Variants in PCTP observed in about 807,000 individuals in gnomAD.
PCTP encodes START domain-containing protein 2.
PCTP carries 27 observed loss-of-function variants against 31.0 expected under a neutral mutation model. The ratio of observed to expected loss-of-function variants is 0.87; its 90% CI spans 0.64 to 1.20. PCTP has a LOEUF of 1.20. Ranked by LOEUF, PCTP falls within the 50% of genes most tolerant of loss-of-function variation. PCTP has a pLI of 0.00. For missense variants in PCTP, 287 were observed against 268.2 expected (o/e 1.07, Z -0.49); for synonymous variants, 108 against 101.2 (o/e 1.07, Z -0.40).
At chr17:55,779,697 C>T (rs998818114), downstream of PCTP, among the ~76,000 whole-genome samples, 3 of 152,128 alleles carry the variant, frequency 2.0e-5, no homozygotes, top group Non-Finnish European at 4.4e-5. Flanking sequence ...TCCATGATTC[C>T]CCAGCATCTC....
At chr17:55,829,975 G>T (rs2145077377) in intron 5 of PCTP, among the ~76,000 whole-genome samples, 1 of 152,294 alleles carries the variant, frequency 6.6e-6, no homozygotes, top group Non-Finnish European at 1.5e-5. Flanking sequence ...TTTCAGGCAT[G>T]TCTCCTATCG....
chr17:55,819,794 T>C (rs1913053954), intron 3 of PCTP, among the ~76,000 whole-genome samples: 1 of 152,158 alleles, frequency 6.6e-6, no homozygotes, highest in Non-Finnish European at 1.5e-5. Context: ...GTAATCAAGA[T>C]GGTGTTGTAC....
chr17:55,778,271 T>C (rs1472886758), downstream of PCTP, among the ~76,000 whole-genome samples: 1 of 151,942 alleles, frequency 6.6e-6, no homozygotes, highest in Non-Finnish European at 1.5e-5. Context: ...GACTTGCACC[T>C]GAGTTCTCAG....
At chr17:55,847,059 TTTA>T (rs1906167450), downstream of PCTP, among the ~76,000 whole-genome samples, 1 of 152,216 alleles carries the variant, frequency 6.6e-6, no homozygotes, top group Non-Finnish European at 1.5e-5. Context: ...TCAAAGCACA[TTTA>T]TTGAATGAAT....
chr17:55,769,446 A>C (rs977329475), intron 2 of PCTP: 1 of 152,244 alleles, frequency 6.6e-6, no homozygotes, highest in African/African-American at 2.4e-5. Context: ...TAAGACCCAC[A>C]TGTGGCTTCA....
At chr17:55,759,074 A>G (rs1199713720) in intron 1 of PCTP, among the ~76,000 whole-genome samples, 4 of 152,196 alleles carry the variant, frequency 2.6e-5, no homozygotes, top group African/African-American at 9.7e-5. Context: ...TGGACATAAT[A>G]CCATACCAAC....
intron 3 of PCTP, among the ~76,000 whole-genome samples, chr17:55,803,753 A>C (rs557129938): frequency 6.6e-6 from 1 of 152,328 alleles, no homozygotes; most frequent in East Asian, 1.9e-4. Flanking sequence ...AAACCATAAA[A>C]ACCCTGGAAG....
At position 55,773,556 on chromosome 17, in the gene PCTP, C is replaced by T. The variant is rs1911125997; in HGVS notation, c.340-168C>T. 8.4e-6 allele frequency: 5 copies of T among 598,616 alleles called. No homozygotes were observed. The Admixed American group carries it at 1.2e-4, about 14-fold the overall frequency. 37.1% of individuals were successfully genotyped at this position (598,616 alleles called of 1,614,324 possible). A position where few individuals can be genotyped will look rare whatever the true frequency, so the allele number is the denominator to read the frequency against. ...AATACTAGGTGGTGTGAGGCACAGT[C>T]TTGCAGTGCAGGTATGGAGACAGGG... On this transcript the variant is annotated intron_variant, in intron 3 of 5. Transcript: ENST00000268896.
At chr17:55,837,128 C>T (rs1011212694) in intron 5 of PCTP, among the ~76,000 whole-genome samples, 2 of 152,080 alleles carry the variant, frequency 1.3e-5, no homozygotes, top group Non-Finnish European at 2.9e-5. Flanking sequence ...ATGGAGGCAG[C>T]AATGAGTAGA....
At chr17:55,832,995 G>A (rs1169465099) in intron 5 of PCTP, among the ~76,000 whole-genome samples, 1 of 152,172 alleles carries the variant, frequency 6.6e-6, no homozygotes, top group Non-Finnish European at 1.5e-5. Context: ...TTTGTCATAT[G>A]TTCCCTGGGA....
intron 5 of PCTP, among the ~76,000 whole-genome samples, chr17:55,838,550 A>T (rs1452324549): frequency 6.6e-6 from 1 of 152,166 alleles, no homozygotes; most frequent in Admixed American, 6.5e-5. Context: ...CCCTCACTAG[A>T]TTGTAAGCTC....
At chr17:55,851,037 T>C in the PCTP span, among the ~76,000 whole-genome samples, 1 of 152,214 alleles carries the variant, frequency 6.6e-6, no homozygotes, top group Non-Finnish European at 1.5e-5. Flanking sequence ...ATTGACCAGA[T>C]ATGGAAACCA....
intron 5 of PCTP, chr17:55,775,364 A>C (rs1412610292): frequency 1.6e-6 from 2 of 1,232,064 alleles, no homozygotes; most frequent in Admixed American, 4.2e-5. Flanking sequence ...GGAGCCTGGC[A>C]TTATGGGGAC....
chr17:55,766,564 A>C (rs1320842517), intron 1 of PCTP, among the ~76,000 whole-genome samples: 1 of 151,674 alleles, frequency 6.6e-6, no homozygotes, highest in Non-Finnish European at 1.5e-5. Flanking sequence ...TTCCAATTTC[A>C]TCCATGTCCC....
intron 2 of PCTP, among the ~76,000 whole-genome samples, chr17:55,784,928 A>G (rs910942180): frequency 6.6e-6 from 1 of 152,212 alleles, no homozygotes; most frequent in South Asian, 2.1e-4. Context: ...CTTTGCATTT[A>G]CTGTCCCCAA....
downstream of PCTP, among the ~76,000 whole-genome samples, chr17:55,825,129 T>C (rs536039074): frequency 1.4e-4 from 21 of 152,330 alleles, no homozygotes; most frequent in East Asian, 4.0e-3. Flanking sequence ...TAATGACCCT[T>C]TGTCCAATAT....
Position 55,774,860 on chromosome 17 carries a change from G to T in PCTP, c.579+1G>T, listed in dbSNP as rs1401161235. On this transcript the variant is annotated splice_donor_variant, in intron 5 of 5. Transcript: ENST00000268896. LOFTEE classifies it high-confidence loss of function. The stretch of plus-strand genomic sequence containing the variant: ...CTGGCTCATTAACTGGGCCGCCAAG[G>T]TGAGATCCCAGGAGGTGGGGCGGGG... 2.7e-6 allele frequency: 3 copies of T among 1,115,938 alleles called. No individual in the cohort carries two copies. The Admixed American group carries it at 5.8e-5, about 21-fold the overall frequency. 69.1% of individuals were successfully genotyped at this position (1,115,938 alleles called of 1,614,324 possible). A position where few individuals can be genotyped will look rare whatever the true frequency, so the allele number is the denominator to read the frequency against.
At chr17:55,839,937 A>C (rs1180832735) in intron 5 of PCTP, among the ~76,000 whole-genome samples, 7 of 150,236 alleles carry the variant, frequency 4.7e-5, no homozygotes, top group Non-Finnish European at 7.4e-5. Context: ...AAAAAAAAAA[A>C]AAAAAAAAAA....
chr17:55,845,326 G>C (rs1394721180), downstream of PCTP, among the ~76,000 whole-genome samples: 1 of 151,972 alleles, frequency 6.6e-6, no homozygotes, highest in Non-Finnish European at 1.5e-5. Context: ...AATAATTAAT[G>C]TTTTGGTTAT....
Sources: gnomAD v4.1 joint callset for allele counts (sites outside exome capture counted in the v4.1 genomes callset) on GRCh38, gnomAD v4.1.1 for gene constraint, MANE v1.5 for transcripts, NCBI Gene and HGNC (gene_info 2026-07-23, HGNC 2026-07-21) for gene names.